Variants in MEGF6 observed in about 807,000 individuals in gnomAD.
MEGF6 encodes multiple EGF like domains 6.
Under a neutral mutation model 207.1 loss-of-function variants are expected in MEGF6, and 184 were observed. That is an observed-to-expected ratio of 0.89 (90% CI 0.79 to 1.00). MEGF6 has a LOEUF of 1.00. MEGF6 is among the 50% of genes least tolerant of loss of function. The pLI is 0.00. For synonymous variants in MEGF6, 1,038 were observed against 910.0 expected (o/e 1.14, Z -2.53); for missense variants, 2,282 against 2,202.9 (o/e 1.04, Z -0.72).
rs546830460 is a variant in MEGF6 at position 3,500,291 on chromosome 1, G to C, written c.2707+342C>G. On this transcript the variant is annotated intron_variant, in intron 21 of 36. Coordinates refer to ENST00000356575, the MANE Select transcript of MEGF6 (RefSeq NM_001409.4). ...TCCCCCAGGTGCCAGGCCTCCCACAGTGGGGGACAGACCCTGCCCCCTCCT... is the reference window on the plus strand; with the variant it reads ...TCCCCCAGGTGCCAGGCCTCCCACACTGGGGGACAGACCCTGCCCCCTCCT... Among the ~76,000 whole-genome samples, 8 of 152,358 alleles carry C rather than the reference G, an allele frequency of 5.3e-5. No homozygotes were observed. In the South Asian group the frequency reaches 1.7e-3, roughly 32 times the overall value.
At chr1:3,609,924 C>T (rs1193892143) in intron 1 of MEGF6, among the ~76,000 whole-genome samples, 1 of 152,216 alleles carries the variant, frequency 6.6e-6, no homozygotes, top group African/African-American at 2.4e-5. Context: ...ACCCCTGGGA[C>T]TCTGGGGAGC....
Position 3,542,283 on chromosome 1 carries a change from C to T in MEGF6, c.482-18037G>A, listed in dbSNP as rs191753627. On this transcript the variant is annotated intron_variant, in intron 4 of 36. Transcript: ENST00000356575. The stretch of plus-strand genomic sequence containing the variant: ...CTTCCTCCTTCTGAACAGCACAGAA[C>T]ACCTCTCCCCATTACATTGTCACTG... Among the ~76,000 whole-genome samples, 905 of 152,360 alleles carry T rather than the reference C, an allele frequency of 5.9e-3. 26 individuals are homozygous for T. Among genetic ancestry groups the T allele is most frequent in the Admixed American group, 0.056 (855 of 15,308 alleles).
chr1:3,524,337 A>G, intron 4 of MEGF6, 91 bp from the exon 5 acceptor site: 1 of 1,536,420 alleles, frequency 6.5e-7, no homozygotes, highest in Non-Finnish European at 8.9e-7. Flanking sequence ...GCCCAGACCC[A>G]GGTCCCTCCC....
intron 4 of MEGF6, among the ~76,000 whole-genome samples, chr1:3,535,448 G>C (rs554611607): frequency 6.6e-6 from 1 of 152,230 alleles, no homozygotes; most frequent in African/African-American, 2.4e-5. Context: ...CCAGAAGGCT[G>C]CCCCTCTCCA....
Position 3,611,308 on chromosome 1 carries a change from C to G in MEGF6, c.-40G>C, listed in dbSNP as rs928372727. On this transcript the variant is annotated 5_prime_UTR_variant, in exon 1 of 37. Coordinates refer to ENST00000356575, the MANE Select transcript of MEGF6 (RefSeq NM_001409.4). ...CCTCCTCCGCTCTCCGGCTCACAGG[C>G]GGCCCCGGCGGCTCCCCGGAGCCTC... 7.1e-7 allele frequency: 1 copy of G among 1,407,894 alleles called. No individual in the cohort carries two copies. The highest frequency in any genetic ancestry group is 9.2e-7 in the Non-Finnish European group (1 of 1,087,518). The allele number at this position is 1,407,894 out of a possible 1,614,324, so 87.2% of individuals were successfully genotyped here. A position where few individuals can be genotyped will look rare whatever the true frequency, so the allele number is the denominator to read the frequency against.
intron 1 of MEGF6, among the ~76,000 whole-genome samples, chr1:3,604,371 C>T (rs1644210275): frequency 6.6e-6 from 1 of 152,184 alleles, no homozygotes; most frequent in African/African-American, 2.4e-5. Flanking sequence ...TCCTCCTGGC[C>T]ATAAGCAGGG....
chr1:3,505,388 G>GCCGCCC (rs1553192306), intron 16 of MEGF6, 34 bp downstream of exon 16: 1 of 1,565,966 alleles, frequency 6.4e-7, no homozygotes, highest in African/African-American at 1.6e-5. Flanking sequence ...CGACCCTGGC[G>GCCGCCC]CCCCCCGCCC....
chr1:3,609,884 G>A (rs368796335), intron 1 of MEGF6, among the ~76,000 whole-genome samples: 13 of 152,302 alleles, frequency 8.5e-5, no homozygotes, highest in African/African-American at 2.6e-4. Context: ...CAGAGACAGC[G>A]GGACATCCAC....
At chr1:3,513,885 C>A (rs193272336) in intron 7 of MEGF6, among the ~76,000 whole-genome samples, 1 of 152,072 alleles carries the variant, frequency 6.6e-6, no homozygotes, top group Admixed American at 6.5e-5. Context: ...AGCCACAGCG[C>A]CTGGCTCATT....
At chr1:3,505,080 A>T in intron 17 of MEGF6, 128 bp downstream of exon 17, 2 of 1,312,264 alleles carry the variant, frequency 1.5e-6, no homozygotes, top group African/African-American at 1.5e-5. Flanking sequence ...GCAAGGCACC[A>T]CCTGGGCTTA....
In MEGF6 at chr1:3,495,916, C is replaced by G; in HGVS notation, c.3845G>C (p.Gly1282Ala). ...PVTGTCLCPP[G>A]RAGVRCERGC... ...TCGCTCACAGCGGACGCCGGCTCTC[C>G]CCGGGGGGCAGAGGCAGGTGCCGGT... The change falls in exon 30 of 37, where the codon GGG becomes GCG. Residue 1282 changes from glycine to alanine, a missense_variant. Gly to Ala is a moderately conservative substitution (Grantham distance 60, BLOSUM62 0). Coordinates refer to ENST00000356575, the MANE Select transcript of MEGF6 (RefSeq NM_001409.4). The G allele has an allele frequency of 6.3e-7, 1 of 1,597,826 alleles. No homozygotes were observed. Among genetic ancestry groups the G allele is most frequent in the Non-Finnish European group, 8.5e-7 (1 of 1,179,008 alleles).
intron 4 of MEGF6, among the ~76,000 whole-genome samples, chr1:3,572,720 GCTGGGTTCTCTCA>G (rs1643540097): frequency 6.8e-6 from 1 of 147,258 alleles, no homozygotes. Flanking sequence ...TCCCAGGTAT[GCTGGGTTCTCTCA>G]GGTGTGCTGG....
intron 2 of MEGF6, among the ~76,000 whole-genome samples, chr1:3,595,869 T>A (rs1000985212): frequency 1.3e-5 from 2 of 152,118 alleles, no homozygotes; most frequent in African/African-American, 4.8e-5. Flanking sequence ...GAATGGCTTC[T>A]GGGATGAGCC....
chr1:3,531,194 G>A, intron 4 of MEGF6: 1 of 1,518,534 alleles, frequency 6.6e-7, no homozygotes, highest in Non-Finnish European at 8.8e-7. Context: ...AGGCCCCCCA[G>A]GAGCCCAAGG....
chr1:3,548,836 G>C (rs532079272), intron 4 of MEGF6, among the ~76,000 whole-genome samples: 4 of 152,170 alleles, frequency 2.6e-5, no homozygotes, highest in Admixed American at 2.0e-4. Context: ...TAGGCTCCAC[G>C]GGGAAAGGAG....
chr1:3,544,640 G>GA (rs1557765392), intron 4 of MEGF6, among the ~76,000 whole-genome samples: 1 of 152,016 alleles, frequency 6.6e-6, no homozygotes, highest in Non-Finnish European at 1.5e-5. Flanking sequence ...CTGCCAGGCA[G>GA]CCCCCAGCAG....
intron 36 of MEGF6, 138 bp from the exon 37 acceptor site, chr1:3,490,727 C>A: frequency 3.8e-6 from 4 of 1,063,064 alleles, no homozygotes; most frequent in Non-Finnish European, 5.4e-6. Flanking sequence ...GCCCACCCAT[C>A]CTTCCCAGCC....
intron 4 of MEGF6, among the ~76,000 whole-genome samples, chr1:3,550,928 C>T (rs570368837): frequency 2.0e-5 from 3 of 152,374 alleles, no homozygotes; most frequent in South Asian, 2.1e-4. Context: ...TCAGATCAGC[C>T]GCCAGGTGTG....
In MEGF6 at chr1:3,488,254, G is replaced by A. The variant is rs115919274; in HGVS notation, c.*2274C>T. ...TTATTTTCCTCTGCTCCTGACCGCCGTTGGATAGCTGAGATTTCCTCCGGA... is the reference window on the plus strand; with the variant it reads ...TTATTTTCCTCTGCTCCTGACCGCCATTGGATAGCTGAGATTTCCTCCGGA... On this transcript the variant is annotated 3_prime_UTR_variant, in exon 37 of 37. Coordinates refer to ENST00000356575, the MANE Select transcript of MEGF6 (RefSeq NM_001409.4). Among the ~76,000 whole-genome samples the A allele has an allele frequency of 0.027, 4,086 of 152,264 alleles. 85 individuals are homozygous for A. Among genetic ancestry groups the A allele is most frequent in the East Asian group, 0.075 (389 of 5,182 alleles).
Sources: gnomAD v4.1 joint callset for allele counts (sites outside exome capture counted in the v4.1 genomes callset) on GRCh38, gnomAD v4.1.1 for gene constraint, MANE v1.5 for transcripts, NCBI Gene and HGNC (gene_info 2026-07-23, HGNC 2026-07-21) for gene names.